FAT3: variants seen among roughly 807,000 people sequenced by gnomAD.
FAT3 encodes FAT atypical cadherin 3.
Under a neutral mutation model 310.2 loss-of-function variants are expected in FAT3, and 95 were observed. That is an observed-to-expected ratio of 0.31 (90% CI 0.26 to 0.36). FAT3 has a LOEUF of 0.36. FAT3 is among the 10% of genes least tolerant of loss of function. The pLI, the probability that FAT3 is intolerant of heterozygous loss-of-function variation, is 1.00. For synonymous variants in FAT3, 2,314 were observed against 2,192.9 expected, an observed-to-expected ratio of 1.06 and a Z score of -1.54; for missense variants, 5,408 against 5,715.6, an observed-to-expected ratio of 0.95 and a Z score of 1.74.
chr11:92,618,011 A>G (rs1940896745), intron 3 of FAT3, among the ~76,000 whole-genome samples: 1 of 152,180 alleles, frequency 6.6e-6, no homozygotes, highest in Admixed American at 6.5e-5. Context: ...CTTCAAAGCT[A>G]TCAGACAAGG....
rs1430748073 is a variant in FAT3 at position 92,670,933 on chromosome 11, A to G, written c.3608-26451A>G. On this transcript the variant is annotated intron_variant, in intron 3 of 27. Coordinates refer to ENST00000525166, the MANE Select transcript of FAT3 (RefSeq NM_001367949.2). ...CTCAAAAACCCTTAAGTAGCTTTCCATTGCTATAAAACTAAATTTTTAAAA... is the reference window on the plus strand; with the variant it reads ...CTCAAAAACCCTTAAGTAGCTTTCCGTTGCTATAAAACTAAATTTTTAAAA... Among the ~76,000 whole-genome samples, 4 of 152,172 alleles carry G rather than the reference A, an allele frequency of 2.6e-5. No individual in the cohort carries two copies. In the East Asian group the frequency reaches 7.7e-4, roughly 29 times the overall value.
chr11:92,288,093 T>C (rs542521732), intron 1 of FAT3, among the ~76,000 whole-genome samples: 5 of 152,158 alleles, frequency 3.3e-5, no homozygotes, highest in African/African-American at 4.8e-5. Flanking sequence ...CAATAAATGA[T>C]TGGATAAAAA....
chr11:92,388,368 G>C (rs1949675102), intron 2 of FAT3, among the ~76,000 whole-genome samples: 1 of 152,088 alleles, frequency 6.6e-6, no homozygotes, highest in Admixed American at 6.6e-5. Flanking sequence ...CTATCACTGA[G>C]GGGTGGAAGG....
intron 4 of FAT3, among the ~76,000 whole-genome samples, chr11:92,751,474 A>C (rs1181981491): frequency 1.3e-5 from 2 of 152,242 alleles, no homozygotes; most frequent in African/African-American, 4.8e-5. Context: ...AAGGTAGAAC[A>C]AATTTTGTGA....
At chr11:92,584,075 G>C (rs944195535) in intron 3 of FAT3, among the ~76,000 whole-genome samples, 2 of 152,010 alleles carry the variant, frequency 1.3e-5, no homozygotes, top group African/African-American at 4.8e-5. Flanking sequence ...TTGTCTAAAA[G>C]ATTATGTTGA....
intron 2 of FAT3, among the ~76,000 whole-genome samples, chr11:92,392,844 G>T (rs1329578838): frequency 6.6e-6 from 1 of 152,146 alleles, no homozygotes; most frequent in Non-Finnish European, 1.5e-5. Context: ...TCCTCTCCTA[G>T]CCCATAGCAG....
intron 2 of FAT3, among the ~76,000 whole-genome samples, chr11:92,467,369 A>G (rs550344363): frequency 9.7e-4 from 148 of 152,236 alleles, no homozygotes; most frequent in African/African-American, 3.4e-3. Context: ...GGCTGCATAA[A>G]TATCTTTTGA....
Position 92,895,165 on chromosome 11 carries a change from GTTTTTAGTTTCAAACTATGGGAAATGGA to G in FAT3, c.*4053_*4080del, listed in dbSNP as rs1950004507. On this transcript the variant is annotated 3_prime_UTR_variant, in exon 28 of 28. Transcript: ENST00000525166. ...AAGTGGTTAGGCTTTAATGTTTTAT[GTTTTTAGTTTCAAACTATGGGAAATGGA>G]GATTTGAAGAGGCATTTATTCCTTG... 1.3e-5 allele frequency: 2 copies of G among 152,182 alleles called. No individual in the cohort carries two copies. The highest frequency in any genetic ancestry group is 1.3e-4 in the Admixed American group (2 of 15,282). The allele number at this position is 152,182 out of a possible 1,614,324, so 9.4% of individuals were successfully genotyped here. A position where few individuals can be genotyped will look rare whatever the true frequency, so the allele number is the denominator to read the frequency against.
intron 1 of FAT3, among the ~76,000 whole-genome samples, chr11:92,279,296 AC>A (rs1206004962): frequency 6.6e-6 from 1 of 151,972 alleles, no homozygotes; most frequent in Admixed American, 6.6e-5. Context: ...CTGTTATGCC[AC>A]CCCTGCCTCT....
At chr11:92,234,850 C>T (rs1429504152) in intron 1 of FAT3, among the ~76,000 whole-genome samples, 7 of 149,266 alleles carry the variant, frequency 4.7e-5, no homozygotes, top group Admixed American at 2.7e-4. Context: ...TGCAATGAGC[C>T]GAGATTGTGC....
chr11:92,328,914 G>A (rs1043217188), intron 1 of FAT3, among the ~76,000 whole-genome samples: 2 of 152,004 alleles, frequency 1.3e-5, no homozygotes, highest in Admixed American at 6.6e-5. Context: ...GTGACAGTGG[G>A]GTAAAGCACT....
At chr11:92,403,822 G>T (rs752486889) in intron 2 of FAT3, among the ~76,000 whole-genome samples, 6 of 152,144 alleles carry the variant, frequency 3.9e-5, no homozygotes, top group Non-Finnish European at 7.4e-5. Context: ...GGATCACGAG[G>T]TCAGGAGATG....
At chr11:92,760,859 A>G (rs1408383821) in intron 4 of FAT3, among the ~76,000 whole-genome samples, 2 of 152,220 alleles carry the variant, frequency 1.3e-5, no homozygotes, top group African/African-American at 4.8e-5. Context: ...TGTGCTCTTC[A>G]TTACTCTTTT....
At chr11:92,696,105 C>CTA (rs767284294) in intron 3 of FAT3, among the ~76,000 whole-genome samples, 127 of 133,172 alleles carry the variant, frequency 9.5e-4, no homozygotes, top group African/African-American at 2.1e-3. Context: ...TCATTTTTTA[C>CTA]TATATATATA....
At chr11:92,561,210 T>C (rs981837306) in intron 3 of FAT3, among the ~76,000 whole-genome samples, 13 of 151,852 alleles carry the variant, frequency 8.6e-5, no homozygotes, top group Non-Finnish European at 2.9e-5. Context: ...CTTTTACAGC[T>C]ATTCCTTCAG....
At chr11:92,414,101 C>T (rs1244678391) in intron 2 of FAT3, among the ~76,000 whole-genome samples, 1 of 152,104 alleles carries the variant, frequency 6.6e-6, no homozygotes, top group Admixed American at 6.6e-5. Flanking sequence ...GATGCTCAGT[C>T]CTTAGGATTT....
At chr11:92,430,563 G>A (rs993767185) in intron 2 of FAT3, among the ~76,000 whole-genome samples, 12 of 151,864 alleles carry the variant, frequency 7.9e-5, no homozygotes, top group Non-Finnish European at 1.8e-4. Context: ...ACAACGTGCA[G>A]GTTAGTTACA....
At chr11:92,674,342 A>C (rs527622383) in intron 3 of FAT3, among the ~76,000 whole-genome samples, 1 of 151,904 alleles carries the variant, frequency 6.6e-6, no homozygotes, top group South Asian at 2.1e-4. Context: ...GACAAGGAGA[A>C]AGAAAGAGAT....
At position 92,799,994 on chromosome 11, in the gene FAT3, C is replaced by T. The variant is rs1947289815; in HGVS notation, c.6981C>T (p.Val2327=). Residue 2327 remains valine, a synonymous_variant, in exon 10 of 28, where the codon GTC becomes GTT. Coordinates refer to ENST00000525166, the MANE Select transcript of FAT3 (RefSeq NM_001367949.2). The part of the protein sequence containing the change: ...ENNKMVHYQI[V]QDTYNSTDYF... ...ATAAAATGGTACATTATCAGATTGT[C>T]CAGGATACCTACAATAGCACAGATT... The T allele has an allele frequency of 1.2e-6, 2 of 1,613,676 alleles. No homozygotes were observed. The highest frequency in any genetic ancestry group is 2.7e-5 in the African/African-American group (2 of 74,912).
Sources: gnomAD v4.1 joint callset for allele counts (sites outside exome capture counted in the v4.1 genomes callset) on GRCh38, gnomAD v4.1.1 for gene constraint, MANE v1.5 for transcripts, NCBI Gene and HGNC (gene_info 2026-07-23, HGNC 2026-07-21) for gene names.